Variants in NOTCH2 observed in about 807,000 individuals in gnomAD.
NOTCH2 encodes notch receptor 2, also known as neurogenic locus notch homolog protein 2.
In NOTCH2, 29 loss-of-function variants were observed where a neutral mutation model predicts 235.8. The ratio of observed to expected loss-of-function variants is 0.12; its 90% confidence interval spans 0.09 to 0.17. NOTCH2 has a LOEUF of 0.17. Ranked by LOEUF, NOTCH2 falls within the 10% of genes least tolerant of loss-of-function variation. The probability of loss-of-function intolerance (pLI) is 1.00; values close to 1 mark genes in which losing one functional copy is unlikely to be tolerated. For synonymous variants in NOTCH2, 1,086 were observed against 1,141.5 expected, an observed-to-expected ratio of 0.95 and a Z score of 0.98; for missense variants, 2,285 against 3,150.2, an observed-to-expected ratio of 0.73 and a Z score of 6.57.
intron 21 of NOTCH2, among the ~76,000 whole-genome samples, chr1:119,935,984 A>C (rs587662865): frequency 6.6e-6 from 1 of 152,314 alleles, no homozygotes; most frequent in East Asian, 1.9e-4. Flanking sequence ...GTCAAAAGGC[A>C]TATGTGGATG....
Position 120,005,338 on chromosome 1 carries a change from C to T in NOTCH2, c.406G>A (p.Gly136Arg), listed in dbSNP as rs782820931. The T allele has an allele frequency of 3.7e-6, 6 of 1,614,014 alleles. No individual in the cohort carries two copies. Among genetic ancestry groups the T allele is most frequent in the African/African-American group, 1.3e-5 (1 of 75,046 alleles). ...TGGTCTCATTAGTTACCTGTAAACC[C>T]GACTTGACAGGTGCACTCATAGGTA... ...RDTYECTCQV[G>R]FTGKECQWTD... Residue 136 changes from glycine to arginine, a missense_variant, in exon 3 of 34, where the codon GGG (glycine) becomes AGG (arginine). Gly to Arg is a moderately radical substitution (Grantham distance 125, BLOSUM62 -2). Coordinates refer to ENST00000256646, the MANE Select transcript of NOTCH2 (RefSeq NM_024408.4).
In NOTCH2 at chr1:119,920,374, T is replaced by G; in HGVS notation, c.5334A>C (p.Ser1778=). 6.2e-7 allele frequency: 1 copy of G among 1,614,218 alleles called. No individual in the cohort carries two copies. The highest frequency in any genetic ancestry group is 8.5e-7 in the Non-Finnish European group (1 of 1,180,032). The stretch of plus-strand genomic sequence containing the variant: ...GTCGATCAATGGGGTCATCTTCTTC[T>G]GAGAGTAAGGCCTCATCTTCAGCCT... ...KVKAEDEALL[S]EEDDPIDRRP... Residue 1778 remains serine (S), a synonymous_variant, in exon 30 of 34, where the codon TCA becomes TCC. Coordinates refer to ENST00000256646, the MANE Select transcript of NOTCH2 (RefSeq NM_024408.4).
chr1:119,988,621 T>A (rs1341864498), intron 4 of NOTCH2, among the ~76,000 whole-genome samples: 6 of 152,184 alleles, frequency 3.9e-5, no homozygotes, highest in African/African-American at 1.4e-4. Flanking sequence ...GAGTAAGAAC[T>A]AGGGTCTTTG....
chr1:119,988,733 C>T (rs1042143266), intron 4 of NOTCH2, among the ~76,000 whole-genome samples: 4 of 152,106 alleles, frequency 2.6e-5, no homozygotes, highest in Non-Finnish European at 5.9e-5. Flanking sequence ...AACTGCTAAA[C>T]TTGAGAGGTC....
In NOTCH2 at chr1:119,912,271, T is replaced by C; in HGVS notation, c.*3035A>G. ...AGAAATGTACACAAGGAAGTAACCA[T>C]AGTACCACTTATTAGTGGGGGCCTC... On this transcript the variant is annotated 3_prime_UTR_variant, in exon 34 of 34. Transcript: ENST00000256646. The C allele has an allele frequency of 8.6e-6, 2 of 233,330 alleles. No homozygotes were observed. The highest frequency in any genetic ancestry group is 1.7e-5 in the Non-Finnish European group (2 of 117,848). 14.5% of individuals were successfully genotyped at this position (233,330 alleles called of 1,614,324 possible).
At chr1:120,017,325 TAA>T (rs1399520917) in intron 2 of NOTCH2, among the ~76,000 whole-genome samples, 4 of 151,458 alleles carry the variant, frequency 2.6e-5, no homozygotes, top group African/African-American at 9.7e-5. Flanking sequence ...AAAATTTCAT[TAA>T]GTCTCAACTT....
chr1:119,967,700 G>T, intron 7 of NOTCH2, 79 bp from the exon 8 acceptor site: 1 of 1,256,760 alleles, frequency 8.0e-7, no homozygotes, highest in Non-Finnish European at 1.2e-6. Flanking sequence ...AGCATCTGAT[G>T]GTTATAGCAT....
chr1:119,914,786 C>A lies in NOTCH2; in HGVS notation c.*520G>T. The A allele has an allele frequency of 3.6e-6, 1 of 280,696 alleles. No homozygotes were observed. Among genetic ancestry groups the A allele is most frequent in the Non-Finnish European group, 6.8e-6 (1 of 146,528 alleles). 17.4% of individuals were successfully genotyped at this position (280,696 alleles called of 1,614,324 possible). A position where few individuals can be genotyped will look rare whatever the true frequency, so the allele number is the denominator to read the frequency against. On this transcript the variant is annotated 3_prime_UTR_variant, in exon 34 of 34. Transcript: ENST00000256646. The stretch of plus-strand genomic sequence containing the variant: ...ATGATCAAAAGCACAAAGGTCTTGC[C>A]CTATAACATGCTGGTAGGGCTACAA...
chr1:119,917,710 A>G lies in NOTCH2; in HGVS notation c.5982T>C (p.Leu1994=), dbSNP rs750073715. 1.2e-6 allele frequency: 2 copies of G among 1,614,010 alleles called. No homozygotes were observed. The change falls in exon 33 of 34, where the codon CTT becomes CTC. Residue 1994 remains leucine, a synonymous_variant. Transcript: ENST00000256646. ...GGTTGGCCCCATTTTTCAACAACAA[A>G]AGAGTTGCCTCCACATTATTGACAG... is the stretch of plus-strand genomic sequence containing the variant. ...AAAVNNVEAT[L]LLLKNGANRD...
chr1:120,042,232 C>T (rs1553212971), intron 1 of NOTCH2, among the ~76,000 whole-genome samples: 1 of 96,148 alleles, frequency 1.0e-5, no homozygotes, highest in Non-Finnish European at 2.0e-5. Context: ...CAGTAGTTTT[C>T]TATCTTCCTC....
chr1:119,936,212 G>T (rs1281450777), intron 21 of NOTCH2, among the ~76,000 whole-genome samples: 1 of 152,162 alleles, frequency 6.6e-6, no homozygotes, highest in Non-Finnish European at 1.5e-5. Flanking sequence ...CCTGGGAGAA[G>T]TCCCAAATAG....
At chr1:120,001,847 T>G (rs373675304) in intron 3 of NOTCH2, among the ~76,000 whole-genome samples, 5 of 152,242 alleles carry the variant, frequency 3.3e-5, no homozygotes, top group South Asian at 2.1e-4. Context: ...AGTGGGCTCA[T>G]GCTCATGGAA....
intron 24 of NOTCH2, 43 bp from the exon 25 acceptor site, chr1:119,925,853 A>G: frequency 6.2e-7 from 1 of 1,610,812 alleles, no homozygotes; most frequent in Non-Finnish European, 8.5e-7. Flanking sequence ...TTGGTAGGAA[A>G]ACAGTCATAT....
intron 6 of NOTCH2, 150 bp downstream of exon 6, chr1:119,969,361 C>T: frequency 1.4e-6 from 1 of 715,344 alleles, no homozygotes; most frequent in South Asian, 1.6e-5. Context: ...AGCACTTTGG[C>T]TAGCAGGTTA....
chr1:119,999,976 A>AAAGAAAGGAAGGAAGGAAGGAAGG (rs1270244149), intron 3 of NOTCH2, among the ~76,000 whole-genome samples: 1 of 56,610 alleles, frequency 1.8e-5, no homozygotes, highest in Non-Finnish European at 3.7e-5. Context: ...AGAAAGAAAG[A>AAAGAAAGGAAGGAAGGAAGGAAGG]AAGGAAGGAA....
At chr1:119,942,015 TG>T in intron 17 of NOTCH2, among the ~76,000 whole-genome samples, 1 of 152,342 alleles carries the variant, frequency 6.6e-6, no homozygotes, top group South Asian at 2.1e-4. Context: ...AAACTTGCAT[TG>T]GTCCCTCACA....
intron 22 of NOTCH2, chr1:119,935,081 G>C (rs782441142): frequency 2.9e-5 from 28 of 981,074 alleles, no homozygotes; most frequent in Non-Finnish European, 6.1e-6. Flanking sequence ...ATAGAGGTAA[G>C]ACTTGGCTAA....
chr1:119,957,072 C>A (rs931259867), intron 12 of NOTCH2, among the ~76,000 whole-genome samples: 5 of 152,176 alleles, frequency 3.3e-5, no homozygotes, highest in Non-Finnish European at 7.3e-5. Flanking sequence ...CTAGCAAAAG[C>A]GCTATATTTG....
chr1:119,932,519 G>A (rs587704213), intron 22 of NOTCH2, among the ~76,000 whole-genome samples: 14 of 152,174 alleles, frequency 9.2e-5, no homozygotes, highest in African/African-American at 3.1e-4. Flanking sequence ...CCCAGGAGGC[G>A]GAGGTTGCGG....
Sources: gnomAD v4.1 joint callset for allele counts (sites outside exome capture counted in the v4.1 genomes callset) on GRCh38, gnomAD v4.1.1 for gene constraint, MANE v1.5 for transcripts, NCBI Gene and HGNC (gene_info 2026-07-23, HGNC 2026-07-21) for gene names.